The following RGS7 variants were observed in gnomAD, a reference collection of about 807,000 sequenced individuals.
RGS7 encodes regulator of G protein signaling 7, also known as regulator of G-protein signaling 7.
A neutral mutation model predicts 81.1 loss-of-function variants in RGS7; 27 were observed. The observed-to-expected ratio is 0.33, with a 90% CI of 0.25 to 0.46. The LOEUF (loss-of-function observed/expected upper bound fraction) is 0.46, where lower values mean the gene tolerates loss of function less well. Ranked by LOEUF, RGS7 falls within the 20% of genes least tolerant of loss-of-function variation. The pLI, the probability that RGS7 is intolerant of heterozygous loss-of-function variation, is 1.00. For missense variants in RGS7, 396 were observed against 607.4 expected (o/e 0.65, Z 3.66); for synonymous variants, 208 against 207.7 (o/e 1.00, Z -0.01).
chr1:240,896,458 GTA>G lies in RGS7; in HGVS notation c.386-26341_386-26340del, dbSNP rs530961026. Among the ~76,000 whole-genome samples the G allele has an allele frequency of 2.4e-3, 368 of 152,252 alleles. 3 individuals carry two copies. The highest frequency in any genetic ancestry group is 8.7e-3 in the African/African-American group (360 of 41,548). On this transcript the variant is annotated intron_variant, in intron 6 of 18. Transcript: ENST00000440928. ...TTTAATCCATCTTGAAATAATTTTT[GTA>G]TAAGGTGTAAGGAAGGGATCCAGTT...
rs1679038130 is a variant in RGS7, at chr1:240,948,586, GCACGTGC to G, written c.227-11887_227-11881del. Reference sequence around the variant, plus strand: ...GCCTCCTGAGTAGCTAGGATTACAGGCACGTGCCACCAAGCCTGGCTAATTTTTATAA... The same window carrying G: ...GCCTCCTGAGTAGCTAGGATTACAGGCACCAAGCCTGGCTAATTTTTATAA... On this transcript the variant is annotated intron_variant, in intron 4 of 18. Coordinates refer to ENST00000440928, the MANE Select transcript of RGS7 (RefSeq NM_001364886.1). Among the ~76,000 whole-genome samples the G allele has an allele frequency of 4.6e-5, 7 of 152,096 alleles. No individual in the cohort carries two copies. In the South Asian group the frequency reaches 1.5e-3, roughly 32 times the overall value.
At chr1:241,094,813 G>A (rs2064136237) in intron 3 of RGS7, among the ~76,000 whole-genome samples, 1 of 152,184 alleles carries the variant, frequency 6.6e-6, no homozygotes, top group African/African-American at 2.4e-5. Flanking sequence ...CAACACAGCT[G>A]TTTTCACTTG....
intron 6 of RGS7, among the ~76,000 whole-genome samples, chr1:240,907,392 TTAGTA>T (rs1027932393): frequency 4.3e-4 from 65 of 152,100 alleles, no homozygotes; most frequent in Non-Finnish European, 7.9e-4. Flanking sequence ...CTAAATAGTA[TTAGTA>T]TAGTAAATAG....
At chr1:241,076,603 A>T (rs1168156113) in intron 3 of RGS7, among the ~76,000 whole-genome samples, 1 of 152,158 alleles carries the variant, frequency 6.6e-6, no homozygotes, top group Non-Finnish European at 1.5e-5. Flanking sequence ...TAAGAATTAG[A>T]CCTAAAATCA....
intron 4 of RGS7, among the ~76,000 whole-genome samples, chr1:240,953,694 T>G (rs79571558): frequency 0.012 from 1,765 of 151,978 alleles, 30 homozygotes; most frequent in African/African-American, 0.04. Flanking sequence ...TATTAGAACC[T>G]AGAGAAAGAA....
rs1395652477 is a variant in RGS7 at position 241,327,151 on chromosome 1, G to GAAAAGAAAAGAAAAGA, written c.78+28547_78+28548insTCTTTTCTTTTCTTTT. ...GAAAGAAAGAAAGAAAGAAAGGAAA[G>GAAAAGAAAAGAAAAGA]AAAGAAAGAAAGAAACACACAGACT... On this transcript the variant is annotated intron_variant, in intron 2 of 18. Transcript: ENST00000440928. 3.6e-4 allele frequency among the ~76,000 whole-genome samples: 31 copies of GAAAAGAAAAGAAAAGA among 86,898 alleles called. 1 individual carries two copies. Among genetic ancestry groups the GAAAAGAAAAGAAAAGA allele is most frequent in the Non-Finnish European group, 6.6e-4 (20 of 30,342 alleles). The allele number at this position is 86,898 out of a possible 152,430, so 57.0% of individuals were successfully genotyped here.
intron 2 of RGS7, among the ~76,000 whole-genome samples, chr1:241,138,262 A>C (rs2067672293): frequency 6.6e-6 from 1 of 152,158 alleles, no homozygotes. Flanking sequence ...AAGAACCAAA[A>C]GTTATAACAC....
At chr1:240,949,282 T>G (rs77661565) in intron 4 of RGS7, among the ~76,000 whole-genome samples, 2,001 of 152,312 alleles carry the variant, frequency 0.013, 25 homozygotes, top group East Asian at 0.044. Flanking sequence ...TTTCAAATTC[T>G]TTGCTCCATT....
At chr1:241,133,079 T>C (rs2067236942) in intron 2 of RGS7, among the ~76,000 whole-genome samples, 5 of 152,144 alleles carry the variant, frequency 3.3e-5, no homozygotes, top group Admixed American at 6.5e-5. Flanking sequence ...TTATTAATAC[T>C]AGAATACATT....
chr1:241,130,942 A>G (rs927595394), intron 2 of RGS7, among the ~76,000 whole-genome samples: 1 of 151,984 alleles, frequency 6.6e-6, no homozygotes, highest in Non-Finnish European at 1.5e-5. Context: ...AAAAAAAAAA[A>G]AAACCAAGAG....
chr1:241,249,259 A>G (rs1325329767), intron 2 of RGS7, among the ~76,000 whole-genome samples: 2 of 151,454 alleles, frequency 1.3e-5, no homozygotes, highest in Non-Finnish European at 2.9e-5. Flanking sequence ...TCACTATATG[A>G]TTCACTTTGA....
At chr1:240,854,494 C>G (rs1558357692) in intron 9 of RGS7, among the ~76,000 whole-genome samples, 1 of 152,162 alleles carries the variant, frequency 6.6e-6, no homozygotes, top group African/African-American at 2.4e-5. Context: ...TCTCCTAATG[C>G]AAAGCACTGA....
At chr1:241,001,537 T>C (rs1688141048) in intron 3 of RGS7, among the ~76,000 whole-genome samples, 1 of 151,964 alleles carries the variant, frequency 6.6e-6, no homozygotes, top group Admixed American at 6.5e-5. Context: ...GAAAAGGCAC[T>C]ATAAACAAAA....
rs1056013669 is a variant in RGS7 at position 240,916,320 on chromosome 1, G to T, written c.385+14397C>A. On this transcript the variant is annotated intron_variant, in intron 6 of 18. Coordinates refer to ENST00000440928, the MANE Select transcript of RGS7 (RefSeq NM_001364886.1). ...AGAGAGAGAAAGAGAGGACAGAACAGAATGTCTAAAAACTGTGGGGGTAAT... is the reference window on the plus strand; with the variant it reads ...AGAGAGAGAAAGAGAGGACAGAACATAATGTCTAAAAACTGTGGGGGTAAT... Among the ~76,000 whole-genome samples, 3 of 150,130 alleles carry T rather than the reference G, an allele frequency of 2.0e-5. No individual in the cohort carries two copies. The East Asian group carries it at 5.9e-4, about 29-fold the overall frequency.
chr1:241,013,700 C>A (rs1463952750), intron 3 of RGS7, among the ~76,000 whole-genome samples: 1 of 152,186 alleles, frequency 6.6e-6, no homozygotes, highest in African/African-American at 2.4e-5. Flanking sequence ...GCAAATATGT[C>A]TCTTCCCACT....
chr1:240,987,066 C>T (rs920805859), intron 3 of RGS7, among the ~76,000 whole-genome samples: 1 of 152,210 alleles, frequency 6.6e-6, no homozygotes, highest in Non-Finnish European at 1.5e-5. Context: ...CGTCTGCACC[C>T]CTCCCCAGGA....
chr1:240,958,224 G>C (rs1398650415), intron 4 of RGS7, among the ~76,000 whole-genome samples: 1 of 152,182 alleles, frequency 6.6e-6, no homozygotes, highest in East Asian at 1.9e-4. Context: ...TGGGAAAGTG[G>C]CAAAACAATA....
chr1:241,236,545 G>A (rs2815841), intron 2 of RGS7, among the ~76,000 whole-genome samples: 71,032 of 151,936 alleles, frequency 0.47, 16,768 homozygotes, highest in African/African-American at 0.49. Flanking sequence ...CATTGGTTAT[G>A]GACAGGAAAG....
intron 3 of RGS7, among the ~76,000 whole-genome samples, chr1:241,066,576 C>A (rs2062075148): frequency 6.6e-6 from 1 of 152,142 alleles, no homozygotes; most frequent in Non-Finnish European, 1.5e-5. Flanking sequence ...TTCTTAAGTT[C>A]TTGCAGACTT....
Sources: gnomAD v4.1 joint callset for allele counts (sites outside exome capture counted in the v4.1 genomes callset) on GRCh38, gnomAD v4.1.1 for gene constraint, MANE v1.5 for transcripts, NCBI Gene and HGNC (gene_info 2026-07-23, HGNC 2026-07-21) for gene names.